Variants in GALNT17 observed in about 807,000 individuals in gnomAD.
The protein encoded by GALNT17 is UDP-GalNAc:polypeptide N-acetylgalactosaminyltransferase-like 3.
In GALNT17, 29 loss-of-function variants were observed where a neutral mutation model predicts 63.7. The ratio of observed to expected loss-of-function variants is 0.46; its 90% CI spans 0.34 to 0.62. GALNT17 has a LOEUF of 0.62. Ranked by LOEUF, GALNT17 falls within the 20% of genes least tolerant of loss-of-function variation. The pLI is 0.01. For synonymous variants in GALNT17, 305 were observed against 318.3 expected (o/e 0.96, Z 0.45); for missense variants, 603 against 799.6 (o/e 0.75, Z 2.97).
chr7:71,145,022 C>T lies in GALNT17; in HGVS notation c.238+11982C>T, dbSNP rs1206976133. Among the ~76,000 whole-genome samples, 3 of 151,916 alleles carry T rather than the reference C, an allele frequency of 2.0e-5. No homozygotes were observed. The East Asian group carries it at 5.8e-4, about 29-fold the overall frequency. ...GGAATACAGGTGTGAGCCACTGTGC[C>T]CATCTTGGGCTGGGGTTTTTAAGGG... On this transcript the variant is annotated intron_variant, in intron 1 of 10. Coordinates refer to ENST00000333538, the MANE Select transcript of GALNT17 (RefSeq NM_022479.3).
intron 6 of GALNT17, among the ~76,000 whole-genome samples, chr7:71,604,997 G>A (rs779870516): frequency 3.3e-5 from 5 of 152,136 alleles, no homozygotes; most frequent in African/African-American, 7.2e-5. Context: ...GCCTGAAATC[G>A]TATCACATTG....
chr7:71,559,551 G>A (rs1168831949), intron 5 of GALNT17, among the ~76,000 whole-genome samples: 1 of 152,188 alleles, frequency 6.6e-6, no homozygotes, highest in African/African-American at 2.4e-5. Context: ...AAATGGAGCT[G>A]CTTTGAGGAT....
chr7:71,178,226 A>G (rs892282533), intron 1 of GALNT17, among the ~76,000 whole-genome samples: 11 of 152,118 alleles, frequency 7.2e-5, no homozygotes, highest in African/African-American at 2.7e-4. Flanking sequence ...CACTTTAAAG[A>G]TATCATTCTG....
intron 1 of GALNT17, among the ~76,000 whole-genome samples, chr7:71,261,957 C>T (rs533182567): frequency 1.8e-4 from 27 of 152,196 alleles, no homozygotes; most frequent in African/African-American, 6.5e-4. Flanking sequence ...GCCCTCTTCC[C>T]GGGAGCCGTG....
chr7:71,711,866 G>C, intron 10 of GALNT17, 152 bp from the exon 11 acceptor site: 1 of 722,134 alleles, frequency 1.4e-6, no homozygotes, highest in Non-Finnish European at 2.2e-6. Flanking sequence ...TCTTCTCTTT[G>C]CCTCTTTCTC....
chr7:71,651,857 A>G (rs1167455588), intron 6 of GALNT17, among the ~76,000 whole-genome samples: 1 of 152,012 alleles, frequency 6.6e-6, no homozygotes, highest in Non-Finnish European at 1.5e-5. Flanking sequence ...GACTGCAAGC[A>G]TGCGCATCCA....
chr7:71,343,080 T>A (rs559247788), intron 2 of GALNT17, among the ~76,000 whole-genome samples: 5 of 152,364 alleles, frequency 3.3e-5, no homozygotes, highest in Admixed American at 2.6e-4. Flanking sequence ...TTGTAAATTC[T>A]GAGCTCCACA....
intron 5 of GALNT17, among the ~76,000 whole-genome samples, chr7:71,550,769 A>G (rs1789063344): frequency 6.6e-6 from 1 of 152,152 alleles, no homozygotes; most frequent in South Asian, 2.1e-4. Flanking sequence ...TTATATCCCA[A>G]TTGATATAAA....
chr7:71,177,332 C>T (rs1278372481), intron 1 of GALNT17, among the ~76,000 whole-genome samples: 1 of 152,070 alleles, frequency 6.6e-6, no homozygotes, highest in African/African-American at 2.4e-5. Context: ...AAGCCTGCTC[C>T]CCGGGAACCC....
At chr7:71,404,649 G>A (rs1793296438) in intron 3 of GALNT17, among the ~76,000 whole-genome samples, 1 of 152,194 alleles carries the variant, frequency 6.6e-6, no homozygotes, top group Admixed American at 6.5e-5. Flanking sequence ...GAGACAGATG[G>A]GCCCATGCCA....
intron 7 of GALNT17, among the ~76,000 whole-genome samples, chr7:71,669,630 C>T (rs1412915108): frequency 1.4e-5 from 2 of 147,968 alleles, no homozygotes; most frequent in African/African-American, 2.5e-5. Flanking sequence ...GGCATGATCT[C>T]GGCTCACTGC....
At chr7:71,559,068 C>T (rs991431567) in intron 5 of GALNT17, among the ~76,000 whole-genome samples, 1 of 152,224 alleles carries the variant, frequency 6.6e-6, no homozygotes, top group Admixed American at 6.5e-5. Flanking sequence ...GAAAGTGCTA[C>T]TTCCACTTAA....
intron 3 of GALNT17, among the ~76,000 whole-genome samples, chr7:71,397,349 G>A (rs1793156053): frequency 6.6e-6 from 1 of 152,022 alleles, no homozygotes; most frequent in Admixed American, 6.6e-5. Flanking sequence ...AATGCAATGG[G>A]CTTCTCTGTA....
At chr7:71,249,806 C>T (rs1172933873) in intron 1 of GALNT17, among the ~76,000 whole-genome samples, 1 of 152,222 alleles carries the variant, frequency 6.6e-6, no homozygotes, top group Non-Finnish European at 1.5e-5. Flanking sequence ...TTATGATACT[C>T]GCTTCGCGAA....
chr7:71,433,221 G>T (rs1221315781), intron 5 of GALNT17, among the ~76,000 whole-genome samples: 1 of 152,126 alleles, frequency 6.6e-6, no homozygotes, highest in Non-Finnish European at 1.5e-5. Context: ...TGTATAGAGG[G>T]CTCTAAAAAC....
chr7:71,665,861 G>A (rs1790977350), intron 7 of GALNT17, among the ~76,000 whole-genome samples: 1 of 152,080 alleles, frequency 6.6e-6, no homozygotes, highest in Non-Finnish European at 1.5e-5. Context: ...ATGTTAATCT[G>A]GCTGCCCTGC....
chr7:71,680,717 C>T (rs1254499372), intron 9 of GALNT17, among the ~76,000 whole-genome samples: 1 of 35,402 alleles, frequency 2.8e-5, no homozygotes, highest in Non-Finnish European at 6.2e-5. Context: ...TTCCTTCCTT[C>T]CTCCCTCTCT....
Position 71,560,193 on chromosome 7 carries a change from C to CAA in GALNT17, c.963-11070_963-11069dup, listed in dbSNP as rs57189106. Among the ~76,000 whole-genome samples the CAA allele has an allele frequency of 3.2e-3, 300 of 94,268 alleles. 4 individuals carry two copies. Among genetic ancestry groups the CAA allele is most frequent in the East Asian group, 0.022 (49 of 2,196 alleles). The allele number at this position is 94,268 out of a possible 152,430, so 61.8% of individuals were successfully genotyped here. ...CAGGGGACAGAGTGAGACTCCATCTCAAAAAAAAAAAAAAAAAAAAAAAGA... is the reference window on the plus strand; with the variant it reads ...CAGGGGACAGAGTGAGACTCCATCTCAAAAAAAAAAAAAAAAAAAAAAAAAGA... On this transcript the variant is annotated intron_variant, in intron 5 of 10. Transcript: ENST00000333538.
chr7:71,663,605 A>G (rs575280950), intron 6 of GALNT17, among the ~76,000 whole-genome samples: 4 of 152,248 alleles, frequency 2.6e-5, no homozygotes, highest in African/African-American at 9.6e-5. Flanking sequence ...CTTAGCCCAC[A>G]ATTCCTCCTG....
Sources: allele counts gnomAD v4.1 joint callset (sites outside exome capture counted in the v4.1 genomes callset), GRCh38; gene constraint gnomAD v4.1.1; transcripts MANE v1.5; gene names NCBI Gene and HGNC (gene_info 2026-07-23, HGNC 2026-07-21).